ELF2: variants seen among roughly 807,000 people sequenced by gnomAD.
ELF2 encodes the protein E74 like ETS transcription factor 2, also known as ETS-related transcription factor Elf-2.
In ELF2, 11 loss-of-function variants were observed where a neutral mutation model predicts 54.8. That is an observed-to-expected ratio of 0.20 (90% confidence interval 0.13 to 0.33). The LOEUF (loss-of-function observed/expected upper bound fraction) is 0.33, where lower values mean the gene tolerates loss of function less well. Ranked by LOEUF, ELF2 falls within the 10% of genes least tolerant of loss-of-function variation. ELF2 has a pLI of 1.00. For missense variants in ELF2, 513 were observed against 703.0 expected (o/e 0.73, Z 3.06); for synonymous variants, 203 against 245.1 (o/e 0.83, Z 1.61).
Position 139,151,496 on chromosome 4 carries a change from G to A in ELF2, c.-251-11999C>T, listed in dbSNP as rs1467327595. Reference sequence around the variant, plus strand: ...AAGAAACATAGGCAATGCAAATTCTGTTTTATATTAAGGCCCACATGGGTA... The same window carrying A: ...AAGAAACATAGGCAATGCAAATTCTATTTTATATTAAGGCCCACATGGGTA... On this transcript the variant is annotated intron_variant, in intron 1 of 9. Transcript: ENST00000686138. 3.3e-5 allele frequency among the ~76,000 whole-genome samples: 5 copies of A among 152,160 alleles called. No homozygotes were observed. The East Asian group carries it at 9.6e-4, about 29-fold the overall frequency.
chr4:139,084,027 G>A, intron 4 of ELF2: 2 of 1,572,314 alleles, frequency 1.3e-6, no homozygotes, highest in Non-Finnish European at 1.7e-6. Context: ...CTGTGAGGTG[G>A]ACACTGTACC....
At chr4:139,115,668 G>A (rs1223356911) in intron 4 of ELF2, among the ~76,000 whole-genome samples, 1 of 152,082 alleles carries the variant, frequency 6.6e-6, no homozygotes, top group Non-Finnish European at 1.5e-5. Flanking sequence ...TTAATCCCAA[G>A]ATACACATTT....
At chr4:139,175,359 A>T (rs546216459) in intron 1 of ELF2, among the ~76,000 whole-genome samples, 1 of 152,352 alleles carries the variant, frequency 6.6e-6, no homozygotes, top group South Asian at 2.1e-4. Context: ...AAACTTAAAA[A>T]TAGGTTGACA....
In ELF2 at chr4:139,093,214, C is replaced by T. The variant is rs181526417; in HGVS notation, c.239-19647G>A. Among the ~76,000 whole-genome samples, 1,012 of 152,248 alleles carry T rather than the reference C, an allele frequency of 6.6e-3. 11 individuals carry two copies. Among genetic ancestry groups the T allele is most frequent in the African/African-American group, 0.023 (964 of 41,552 alleles). ...TCTCCTGACCTCGTGATCCGCCCAC[C>T]TCGGCCTCCCAAAGTGCTGGGATTA... On this transcript the variant is annotated intron_variant, in intron 4 of 9. Transcript: ENST00000686138.
intron 4 of ELF2, among the ~76,000 whole-genome samples, chr4:139,084,747 A>G (rs1197910059): frequency 6.6e-6 from 1 of 152,246 alleles, no homozygotes; most frequent in Non-Finnish European, 1.5e-5. Flanking sequence ...GCAGCTGTAA[A>G]TAAAGGTGGC....
intron 4 of ELF2, among the ~76,000 whole-genome samples, chr4:139,078,671 A>C (rs956496364): frequency 6.6e-6 from 1 of 152,042 alleles, no homozygotes; most frequent in African/African-American, 2.4e-5. Context: ...TTAAAATTAA[A>C]AATTGAGTTT....
chr4:139,176,278 C>A (rs1439982055), intron 1 of ELF2, among the ~76,000 whole-genome samples: 3 of 152,178 alleles, frequency 2.0e-5, no homozygotes, highest in Non-Finnish European at 2.9e-5. Context: ...ACGGTGCCGG[C>A]GTGGAGAGCG....
At position 139,125,431 on chromosome 4, in the gene ELF2, G is replaced by A. The variant is rs527907107; in HGVS notation, c.73-102C>T. 11 of 1,347,042 alleles carry A rather than the reference G, an allele frequency of 8.2e-6. No individual in the cohort carries two copies. In the African/African-American group the frequency reaches 1.5e-4, roughly 18 times the overall value. The allele number at this position is 1,347,042 out of a possible 1,614,324, so 83.4% of individuals were successfully genotyped here. On this transcript the variant is annotated intron_variant, in intron 3 of 9. Transcript: ENST00000686138. ...TACAGTCTCGAGCAGTCCACATAAT[G>A]AGTTTCAAATATTATAAATATGAAT...
chr4:139,115,142 G>C, intron 4 of ELF2: 1 of 1,613,398 alleles, frequency 6.2e-7, no homozygotes, highest in South Asian at 1.1e-5. Flanking sequence ...CGCGTGAGCT[G>C]CTCCAGGATC....
chr4:139,084,095 T>C (rs1481083634), intron 4 of ELF2: 1 of 1,612,616 alleles, frequency 6.2e-7, no homozygotes, highest in Admixed American at 1.7e-5. Flanking sequence ...CCTCTCCTGC[T>C]GCACCGATGC....
At chr4:139,114,783 G>A in intron 4 of ELF2, 1 of 1,443,002 alleles carries the variant, frequency 6.9e-7, no homozygotes, top group Non-Finnish European at 9.3e-7. Flanking sequence ...TGAGGGGGCA[G>A]GGGAAGAGAC....
Position 139,114,561 on chromosome 4 carries a change from TCACACACA to T in ELF2, c.238+10595_238+10602del, listed in dbSNP as rs776035411. On this transcript the variant is annotated intron_variant, in intron 4 of 9. Transcript: ENST00000686138. Reference sequence around the variant, plus strand: ...CTGGCAACAGAGCGAGACTTCAGTCTCACACACACACACACACACACACACACACACAC... The same window carrying T: ...CTGGCAACAGAGCGAGACTTCAGTCTCACACACACACACACACACACACAC... Among the ~76,000 whole-genome samples, 247 of 108,646 alleles carry T rather than the reference TCACACACA, an allele frequency of 2.3e-3. 1 individual carries two copies. Among genetic ancestry groups the T allele is most frequent in the Non-Finnish European group, 3.4e-3 (192 of 56,528 alleles). 71.3% of individuals were successfully genotyped at this position (108,646 alleles called of 152,430 possible). A position where few individuals can be genotyped will look rare whatever the true frequency, so the allele number is the denominator to read the frequency against.
chr4:139,091,199 G>C (rs1399136044), intron 4 of ELF2, among the ~76,000 whole-genome samples: 1 of 152,100 alleles, frequency 6.6e-6, no homozygotes, highest in East Asian at 1.9e-4. Flanking sequence ...CAAAATATTG[G>C]GATTAAAGGC....
At chr4:139,176,871 G>C (rs930719864) in intron 1 of ELF2, 96 bp downstream of exon 1, 2 of 152,174 alleles carry the variant, frequency 1.3e-5, no homozygotes, top group Non-Finnish European at 2.9e-5. Context: ...CGCGGGGCGG[G>C]GGCGCGGAGG....
chr4:139,169,829 C>T (rs1389624113), intron 1 of ELF2, among the ~76,000 whole-genome samples: 1 of 147,890 alleles, frequency 6.8e-6, no homozygotes, highest in African/African-American at 2.5e-5. Context: ...TGCACTCCAG[C>T]CTGCGCGACA....
At chr4:139,169,501 G>A (rs969055422) in intron 1 of ELF2, among the ~76,000 whole-genome samples, 1 of 152,088 alleles carries the variant, frequency 6.6e-6, no homozygotes, top group African/African-American at 2.4e-5. Flanking sequence ...TCTTGTCACT[G>A]ATCTTTATAG....
At chr4:139,070,167 G>C (rs756476707) in intron 6 of ELF2, among the ~76,000 whole-genome samples, 18 of 151,874 alleles carry the variant, frequency 1.2e-4, no homozygotes, top group Non-Finnish European at 7.4e-5. Context: ...TGGTCACTAA[G>C]AGCTTTCACA....
intron 1 of ELF2, among the ~76,000 whole-genome samples, chr4:139,176,424 A>G (rs1427854433): frequency 9.3e-5 from 14 of 151,230 alleles, no homozygotes; most frequent in African/African-American, 3.4e-4. Context: ...CGCCACCCAG[A>G]GCGGCCGGAG....
intron 4 of ELF2, among the ~76,000 whole-genome samples, chr4:139,082,855 A>G (rs939371246): frequency 3.9e-5 from 6 of 152,338 alleles, no homozygotes; most frequent in African/African-American, 1.4e-4. Flanking sequence ...ACATCGATCC[A>G]GGGCCCTCAC....
Sources: gnomAD v4.1 joint callset for allele counts (sites outside exome capture counted in the v4.1 genomes callset) on GRCh38, gnomAD v4.1.1 for gene constraint, MANE v1.5 for transcripts, NCBI Gene and HGNC (gene_info 2026-07-23, HGNC 2026-07-21) for gene names.